The following PNKD variants were observed in gnomAD, a reference collection of about 807,000 sequenced individuals.
PNKD encodes PNKD metallo-beta-lactamase domain containing.
Under a neutral mutation model 45.3 loss-of-function variants are expected in PNKD, and 36 were observed. The ratio of observed to expected loss-of-function variants is 0.80; its 90% confidence interval spans 0.61 to 1.05. The LOEUF is 1.05. PNKD is among the 50% of genes least tolerant of loss of function. PNKD has a pLI of 0.00. For missense variants in PNKD, 511 were observed against 506.6 expected (o/e 1.01, Z -0.08); for synonymous variants, 197 against 210.1 (o/e 0.94, Z 0.54).
intron 2 of PNKD, among the ~76,000 whole-genome samples, chr2:218,308,155 A>T (rs1415633518): frequency 6.6e-6 from 1 of 152,058 alleles, no homozygotes; most frequent in Admixed American, 6.6e-5. Context: ...CCATGAGTCA[A>T]TCAACCAAAG....
chr2:218,321,461 C>T (rs1245946666), intron 2 of PNKD, among the ~76,000 whole-genome samples: 1 of 152,136 alleles, frequency 6.6e-6, no homozygotes, highest in Non-Finnish European at 1.5e-5. Flanking sequence ...GGCTCTGTCC[C>T]TCAAGATGTA....
At chr2:218,276,328 G>A (rs1164202842) in intron 2 of PNKD, among the ~76,000 whole-genome samples, 1 of 152,190 alleles carries the variant, frequency 6.6e-6, no homozygotes, top group Non-Finnish European at 1.5e-5. Flanking sequence ...GTACACAAGT[G>A]TCTACTATAC....
intron 2 of PNKD, among the ~76,000 whole-genome samples, chr2:218,322,546 C>G (rs1006092718): frequency 3.3e-5 from 5 of 152,314 alleles, no homozygotes; most frequent in African/African-American, 1.2e-4. Flanking sequence ...GTGGCCTCTT[C>G]CTATCCTTCA....
chr2:218,340,724 G>C lies in PNKD; in HGVS notation c.466-4G>C. On this transcript the variant is annotated splice_polypyrimidine_tract_variant and splice_region_variant and intron_variant, in intron 4 of 9. Coordinates refer to ENST00000273077, the MANE Select transcript of PNKD (RefSeq NM_015488.5). The surrounding 1 kb of genome is among the most constrained non-coding windows in gnomAD (Gnocchi z 4.2). ...CCAGTCTCCAAACCTCCTCTCTCTC[G>C]CAGGCTTCCATTGAAAAGGAAGGGG... 6.2e-7 allele frequency: 1 copy of C among 1,612,654 alleles called. No homozygotes were observed.
intron 2 of PNKD, among the ~76,000 whole-genome samples, chr2:218,295,842 AC>A (rs1411599778): frequency 7.5e-6 from 1 of 134,088 alleles, no homozygotes; most frequent in Non-Finnish European, 1.6e-5. Flanking sequence ...TAAACAACAA[AC>A]CTTTTTTTTT....
intron 2 of PNKD, among the ~76,000 whole-genome samples, chr2:218,324,406 A>C (rs1559525724): frequency 6.6e-6 from 1 of 152,224 alleles, no homozygotes; most frequent in Non-Finnish European, 1.5e-5. Context: ...TCTCCTCCCC[A>C]GACCACCCCA....
rs754878499 is a variant in PNKD, at chr2:218,276,971, G to A, written c.236+5422G>A. 2.5e-5 allele frequency: 39 copies of A among 1,588,660 alleles called. No homozygotes were observed. In the Admixed American group the frequency reaches 2.5e-4, roughly 10 times the overall value. ...ATAGGAAGTCTGCCCTGAGCACTGG[G>A]TTCCCTGACCCCAGCTCTCCTGGGA... On this transcript the variant is annotated intron_variant, in intron 2 of 9. Transcript: ENST00000273077.
In PNKD at chr2:218,344,722, G is replaced by A. The variant is rs952511376; in HGVS notation, c.985-86G>A. 4 of 1,469,484 alleles carry A rather than the reference G, an allele frequency of 2.7e-6. No individual in the cohort carries two copies. The African/African-American group carries it at 5.6e-5, about 20-fold the overall frequency. The allele number at this position is 1,469,484 out of a possible 1,614,324, so 91.0% of individuals were successfully genotyped here. On this transcript the variant is annotated intron_variant, in intron 9 of 9. Coordinates refer to ENST00000273077, the MANE Select transcript of PNKD (RefSeq NM_015488.5). ...TCAAGTCAGAACTCCTGAACTCCAGGATGGGGCAGGGGTCGGGTCAGGCTT... is the reference window on the plus strand; with the variant it reads ...TCAAGTCAGAACTCCTGAACTCCAGAATGGGGCAGGGGTCGGGTCAGGCTT...
chr2:218,273,275 G>A (rs1247836766), intron 2 of PNKD, among the ~76,000 whole-genome samples: 2 of 151,932 alleles, frequency 1.3e-5, no homozygotes, highest in African/African-American at 4.8e-5. Context: ...TTTGTTTTTT[G>A]TTTTTTGTTT....
At chr2:218,333,952 TAA>T (rs1012198170) in intron 2 of PNKD, among the ~76,000 whole-genome samples, 1 of 73,576 alleles carries the variant, frequency 1.4e-5, no homozygotes, top group African/African-American at 4.6e-5. Context: ...CTGTCTCTAC[TAA>T]AAATACAAAA....
chr2:218,319,892 G>A (rs1693938525), intron 2 of PNKD, among the ~76,000 whole-genome samples: 1 of 152,260 alleles, frequency 6.6e-6, no homozygotes, highest in Non-Finnish European at 1.5e-5. Flanking sequence ...GGAGGGGTTG[G>A]CGTTTGAGCT....
chr2:218,342,156 C>T lies in PNKD; in HGVS notation c.781+12C>T, dbSNP rs370963150. ...CCTCTCTGGCTGTGGTGAGTTTCCC[C>T]GAAAGAGAGAGGAGCTGGGAGAGGA... On this transcript the variant is annotated intron_variant, in intron 7 of 9. Coordinates refer to ENST00000273077, the MANE Select transcript of PNKD (RefSeq NM_015488.5). 200 of 1,610,452 alleles carry T rather than the reference C, an allele frequency of 1.2e-4. 1 individual carries two copies. The highest frequency in any genetic ancestry group is 9.7e-4 in the African/African-American group (73 of 74,960).
intron 2 of PNKD, among the ~76,000 whole-genome samples, chr2:218,297,508 A>G (rs774716747): frequency 1.3e-5 from 2 of 151,778 alleles, no homozygotes; most frequent in Admixed American, 6.6e-5. Context: ...ATATAGTGAA[A>G]CCCCATCTCT....
At chr2:218,279,576 C>T (rs1007747522) in intron 2 of PNKD, 26 of 521,174 alleles carry the variant, frequency 5.0e-5, no homozygotes, top group African/African-American at 2.5e-4. Flanking sequence ...ACACCAGCCT[C>T]GGTGACTACT....
chr2:218,279,280 G>A (rs1270616419), intron 2 of PNKD: 2 of 1,574,218 alleles, frequency 1.3e-6, no homozygotes, highest in South Asian at 1.2e-5. Flanking sequence ...GCAAAGCCTA[G>A]AGACTTACAC....
At chr2:218,341,823 G>A in intron 6 of PNKD, 158 bp from the exon 7 acceptor site, 1 of 768,696 alleles carries the variant, frequency 1.3e-6, no homozygotes, top group East Asian at 2.7e-5. Context: ...GAGGAAAGGG[G>A]GAGGGTTCGG....
intron 2 of PNKD, chr2:218,282,021 C>T (rs761911126): frequency 6.2e-7 from 1 of 1,607,594 alleles, no homozygotes; most frequent in East Asian, 2.2e-5. Context: ...TGCGGGTAGC[C>T]AGGGTAGGCA....
At position 218,346,777 on chromosome 2, in the gene PNKD, G is replaced by GA. The variant is rs1359896394; in HGVS notation, c.*1798dup. The stretch of plus-strand genomic sequence containing the variant: ...GGCGCTCAATAAATGTTGAATGAAT[G>GA]AATGATTTAATCAAGACTTGATCAC... On this transcript the variant is annotated 3_prime_UTR_variant, in exon 10 of 10. Transcript: ENST00000273077. 11 of 153,950 alleles carry GA rather than the reference G, an allele frequency of 7.1e-5. No individual in the cohort carries two copies. The highest frequency in any genetic ancestry group is 2.9e-5 in the Non-Finnish European group (2 of 68,060). 9.5% of individuals were successfully genotyped at this position (153,950 alleles called of 1,614,324 possible).
At chr2:218,322,676 G>A (rs746351957) in intron 2 of PNKD, among the ~76,000 whole-genome samples, 1 of 152,146 alleles carries the variant, frequency 6.6e-6, no homozygotes, top group Non-Finnish European at 1.5e-5. Flanking sequence ...GCATATGTAT[G>A]TGTATGCATA....
Sources: gnomAD v4.1 joint callset for allele counts (sites outside exome capture counted in the v4.1 genomes callset) on GRCh38, gnomAD v4.1.1 for gene constraint, Gnocchi (gnomAD v3.1) non-coding constraint, MANE v1.5 for transcripts, NCBI Gene and HGNC (gene_info 2026-07-23, HGNC 2026-07-21) for gene names.